The following MEIOSIN variants were observed in gnomAD, a reference collection of about 807,000 sequenced individuals.
MEIOSIN encodes the protein meiosis initiator protein.
Under a neutral mutation model 23.4 loss-of-function variants are expected in MEIOSIN, and 18 were observed. The ratio of observed to expected loss-of-function variants is 0.77; its 90% confidence interval spans 0.53 to 1.14. The LOEUF (loss-of-function observed/expected upper bound fraction) is 1.14, where lower values mean the gene tolerates loss of function less well. Among genes scored for constraint, MEIOSIN ranks in the 50% most tolerant of loss-of-function variants. The pLI is 0.00. For missense variants in MEIOSIN, 428 were observed against 242.9 expected, an observed-to-expected ratio of 1.76 and a Z score of -5.07; for synonymous variants, 187 against 100.6, an observed-to-expected ratio of 1.86 and a Z score of -5.14.
intron 13 of MEIOSIN, among the ~76,000 whole-genome samples, 178 bp from the exon 14 acceptor site, chr19:45,763,160 T>C (rs1371331214): frequency 6.6e-6 from 1 of 152,094 alleles, no homozygotes; most frequent in Non-Finnish European, 1.5e-5. Context: ...TCCCCTGCAC[T>C]CTCCTGGGAC....
intron 14 of MEIOSIN, 88 bp from the exon 15 acceptor site, chr19:45,763,883 C>G: frequency 2.5e-6 from 1 of 398,386 alleles, no homozygotes. Flanking sequence ...GTGGCCCAGG[C>G]CCCTGCGGGG....
At chr19:45,752,373 A>G (rs1479872499) in intron 5 of MEIOSIN, among the ~76,000 whole-genome samples, 6 of 151,494 alleles carry the variant, frequency 4.0e-5, no homozygotes, top group South Asian at 2.1e-4. Context: ...CCGCCACCAC[A>G]CCCAGCTAAT....
At chr19:45,749,214 T>C (rs1173470081) in intron 4 of MEIOSIN, among the ~76,000 whole-genome samples, 1 of 150,552 alleles carries the variant, frequency 6.6e-6, no homozygotes, top group Non-Finnish European at 1.5e-5. Flanking sequence ...CGATAAAAAA[T>C]ACAAAAAATT....
At position 45,759,587 on chromosome 19, in the gene MEIOSIN, T is replaced by C; in HGVS notation, c.1245+97T>C. 8 of 669,596 alleles carry C rather than the reference T, an allele frequency of 1.2e-5. No individual in the cohort carries two copies. In the South Asian group the frequency reaches 1.2e-4, roughly 10 times the overall value. The allele number at this position is 669,596 out of a possible 1,614,324, so 41.5% of individuals were successfully genotyped here. On this transcript the variant is annotated intron_variant, in intron 11 of 14. Coordinates refer to ENST00000457052, the MANE Select transcript of MEIOSIN (RefSeq NM_001310124.2). The stretch of plus-strand genomic sequence containing the variant: ...TTCACTCATCCACTCCCTCACCCTT[T>C]CAGCCACCATCTACCCATCTGTCCT...
At position 45,758,918 on chromosome 19, in the gene MEIOSIN, G is replaced by A. The variant is rs1427125240; in HGVS notation, c.1053G>A (p.Trp351Ter). 2.8e-6 allele frequency: 2 copies of A among 703,078 alleles called. No homozygotes were observed. The highest frequency in any genetic ancestry group is 2.0e-5 in the Admixed American group (1 of 50,022). The allele number at this position is 703,078 out of a possible 1,614,324, so 43.6% of individuals were successfully genotyped here. ...LFLGPPQIDV[W>*]SGTGHPSEIL... ...TGGGGCCTCCCCAGATTGATGTCTG[G>A]AGTGGAACAGGCCACCCAAGTGAGA... The change falls in exon 10 of 15, where the codon TGG becomes TGA. Residue 351 changes from tryptophan to a stop codon, truncating the protein, a stop_gained. Coordinates refer to ENST00000457052, the MANE Select transcript of MEIOSIN (RefSeq NM_001310124.2). LOFTEE classifies it high-confidence loss of function.
chr19:45,739,381 G>A (rs1423023608), intron 2 of MEIOSIN, among the ~76,000 whole-genome samples: 1 of 152,090 alleles, frequency 6.6e-6, no homozygotes, highest in African/African-American at 2.4e-5. Context: ...TCGAACTCCT[G>A]ACCTCAAATG....
At position 45,755,462 on chromosome 19, in the gene MEIOSIN, T is replaced by C. The variant is rs537183365; in HGVS notation, c.803-508T>C. On this transcript the variant is annotated intron_variant, in intron 7 of 14. Transcript: ENST00000457052. The stretch of plus-strand genomic sequence containing the variant: ...CTGTGCCGGGCCCATTAGAGTTTTT[T>C]GTTTGTTTTGAGACAAAGTCTTGCT... Among the ~76,000 whole-genome samples, 16 of 150,088 alleles carry C rather than the reference T, an allele frequency of 1.1e-4. 1 individual carries two copies. In the South Asian group the frequency reaches 3.4e-3, roughly 32 times the overall value.
At chr19:45,745,441 A>G in intron 4 of MEIOSIN, 120 bp downstream of exon 4, 1 of 613,908 alleles carries the variant, frequency 1.6e-6, no homozygotes, top group South Asian at 1.9e-5. Context: ...TCAAATGGGA[A>G]TGGTGCTACT....
chr19:45,744,404 A>G (rs1461129726), intron 3 of MEIOSIN, among the ~76,000 whole-genome samples: 11 of 152,080 alleles, frequency 7.2e-5, no homozygotes, highest in Non-Finnish European at 1.3e-4. Flanking sequence ...GGGCAGTCAC[A>G]TAGGGCCCTG....
intron 3 of MEIOSIN, among the ~76,000 whole-genome samples, chr19:45,740,887 T>C (rs1040934393): frequency 6.6e-6 from 1 of 151,962 alleles, no homozygotes; most frequent in Non-Finnish European, 1.5e-5. Flanking sequence ...ACTTTAGAAG[T>C]CTGAGCAGCT....
intron 11 of MEIOSIN, among the ~76,000 whole-genome samples, chr19:45,761,423 A>ATTTTT (rs35838022): frequency 8.4e-5 from 5 of 59,800 alleles, no homozygotes; most frequent in Non-Finnish European, 1.2e-4. Context: ...CGCCTGGCCT[A>ATTTTT]TTTTTTTTTT....
intron 11 of MEIOSIN, among the ~76,000 whole-genome samples, 156 bp downstream of exon 11, chr19:45,759,646 C>T (rs1027022286): frequency 2.0e-5 from 3 of 152,140 alleles, no homozygotes; most frequent in Admixed American, 1.3e-4. Context: ...TTAAAACCGC[C>T]CCCCGACCCT....
At chr19:45,749,161 A>AG (rs2146186421) in intron 4 of MEIOSIN, among the ~76,000 whole-genome samples, 1 of 151,592 alleles carries the variant, frequency 6.6e-6, no homozygotes, top group African/African-American at 2.4e-5. Flanking sequence ...ACTTGAGCCC[A>AG]GGAGTTTGAG....
rs1281275358 is a variant in MEIOSIN at position 45,753,887 on chromosome 19, C to G, written c.556+99C>G. On this transcript the variant is annotated intron_variant, in intron 6 of 14. Coordinates refer to ENST00000457052, the MANE Select transcript of MEIOSIN (RefSeq NM_001310124.2). ...CTTACTCTGGGGGCCTTCTCAGCAC[C>G]CTGTGCCGGGGTTCAACTCCCAGCT... 4.9e-6 allele frequency: 3 copies of G among 611,806 alleles called. No homozygotes were observed. In the East Asian group the frequency reaches 8.3e-5, roughly 17 times the overall value. 37.9% of individuals were successfully genotyped at this position (611,806 alleles called of 1,614,324 possible). A position where few individuals can be genotyped will look rare whatever the true frequency, so the allele number is the denominator to read the frequency against.
At chr19:45,745,961 G>T (rs1433986500) in intron 4 of MEIOSIN, among the ~76,000 whole-genome samples, 1 of 151,646 alleles carries the variant, frequency 6.6e-6, no homozygotes, top group Admixed American at 6.6e-5. Context: ...GGGTTTTTAG[G>T]TTTTGTTTTG....
intron 8 of MEIOSIN, 80 bp from the exon 9 acceptor site, chr19:45,757,097 G>T (rs1174010384): frequency 1.5e-6 from 1 of 674,990 alleles, no homozygotes; most frequent in Admixed American, 2.1e-5. Context: ...CCAGGGGCCA[G>T]TGCAGAGTGC....
At chr19:45,749,691 AGCG>A (rs1968658485) in intron 4 of MEIOSIN, among the ~76,000 whole-genome samples, 1 of 135,374 alleles carries the variant, frequency 7.4e-6, no homozygotes, top group Admixed American at 7.4e-5. Context: ...AAAAAAAAAA[AGCG>A]CAAAAAAAAA....
chr19:45,750,950 C>T (rs1968691972), intron 5 of MEIOSIN, among the ~76,000 whole-genome samples, 164 bp downstream of exon 5: 1 of 152,078 alleles, frequency 6.6e-6, no homozygotes. Flanking sequence ...GCCTTCAGGA[C>T]TGTAGGAGAT....
At chr19:45,762,276 CT>C (rs543744535) in intron 13 of MEIOSIN, 93 bp downstream of exon 13, 395 of 400,356 alleles carry the variant, frequency 9.9e-4, no homozygotes, top group Non-Finnish European at 1.5e-3. Flanking sequence ...CTGTCTGACA[CT>C]TTTTCCCCCT....
Sources: allele counts gnomAD v4.1 joint callset (sites outside exome capture counted in the v4.1 genomes callset), GRCh38; gene constraint gnomAD v4.1.1; transcripts MANE v1.5; gene names NCBI Gene and HGNC (gene_info 2026-07-23, HGNC 2026-07-21).